The following PCDH7 variants were observed in gnomAD, a reference collection of about 807,000 sequenced individuals.
The protein encoded by PCDH7 is protocadherin 7, also known as protocadherin-7.
A neutral mutation model predicts 58.9 loss-of-function variants in PCDH7; 17 were observed. The ratio of observed to expected loss-of-function variants is 0.29; its 90% CI spans 0.20 to 0.43. The LOEUF (loss-of-function observed/expected upper bound fraction) is 0.43. Among genes scored for constraint, PCDH7 ranks in the 20% least tolerant of loss-of-function variants. The pLI is 1.00. For missense variants in PCDH7, 1,274 were observed against 1,441.0 expected (o/e 0.88, Z 1.88); for synonymous variants, 664 against 616.4 (o/e 1.08, Z -1.14).
intron 3 of PCDH7, among the ~76,000 whole-genome samples, chr4:31,073,198 G>A (rs1758697575): frequency 1.3e-5 from 2 of 152,116 alleles, no homozygotes; most frequent in South Asian, 4.1e-4. Context: ...GTGCTTAGGG[G>A]ATTAGATTTG....
intron 3 of PCDH7, among the ~76,000 whole-genome samples, chr4:31,069,104 C>T (rs1758331287): frequency 6.6e-6 from 1 of 151,790 alleles, no homozygotes; most frequent in African/African-American, 2.4e-5. Context: ...GAGCTAAATG[C>T]CAAACTGATA....
chr4:31,067,931 T>C (rs1758225879), intron 3 of PCDH7, among the ~76,000 whole-genome samples: 1 of 151,986 alleles, frequency 6.6e-6, no homozygotes, highest in Admixed American at 6.6e-5. Context: ...TCAGATTTCA[T>C]TCATACCAAA....
intron 1 of PCDH7, chr4:30,776,132 A>G (rs1722039195): frequency 6.6e-6 from 1 of 152,340 alleles, no homozygotes; most frequent in South Asian, 2.1e-4. Context: ...ATTGAAGATA[A>G]CATTTTGATT....
At chr4:31,075,935 C>A (rs1758953797) in intron 3 of PCDH7, among the ~76,000 whole-genome samples, 3 of 152,196 alleles carry the variant, frequency 2.0e-5, no homozygotes, top group African/African-American at 4.8e-5. Flanking sequence ...AGTACTCCAG[C>A]AAGCCCTGGC....
intron 3 of PCDH7, among the ~76,000 whole-genome samples, chr4:31,063,457 G>C (rs1039329813): frequency 6.6e-6 from 1 of 151,544 alleles, no homozygotes; most frequent in Non-Finnish European, 1.5e-5. Context: ...TTAATCTGGG[G>C]CCTGACAGAT....
At chr4:30,948,667 G>C (rs1747007835) in intron 2 of PCDH7, among the ~76,000 whole-genome samples, 1 of 152,102 alleles carries the variant, frequency 6.6e-6, no homozygotes, top group African/African-American at 2.4e-5. Context: ...TTGCTACTTT[G>C]AGTTGTTTCT....
chr4:30,962,868 T>A (rs986749808), intron 3 of PCDH7, among the ~76,000 whole-genome samples: 8 of 151,564 alleles, frequency 5.3e-5, no homozygotes, highest in Middle Eastern at 3.4e-3. Flanking sequence ...AGCCTTGACT[T>A]AATATTAGTA....
chr4:31,103,888 C>G (rs1715219167), intron 3 of PCDH7, among the ~76,000 whole-genome samples: 1 of 152,132 alleles, frequency 6.6e-6, no homozygotes, highest in Admixed American at 6.5e-5. Context: ...CTTTTCAAAC[C>G]TTATTTCCCC....
chr4:31,060,681 T>C (rs1438435654), intron 3 of PCDH7, among the ~76,000 whole-genome samples: 3 of 151,796 alleles, frequency 2.0e-5, no homozygotes, highest in Non-Finnish European at 3.0e-5. Context: ...ATATGAAGGT[T>C]AGTGTGTAAT....
intron 3 of PCDH7, among the ~76,000 whole-genome samples, chr4:31,020,978 T>G (rs1176856487): frequency 2.6e-5 from 4 of 152,208 alleles, no homozygotes; most frequent in African/African-American, 9.7e-5. Flanking sequence ...AAGAAGATAT[T>G]TGTGTGTATT....
intron 2 of PCDH7, among the ~76,000 whole-genome samples, chr4:30,938,563 CTTGGAAATATT>C (rs762275953): frequency 3.3e-5 from 5 of 151,924 alleles, no homozygotes; most frequent in Admixed American, 1.3e-4. Flanking sequence ...TGAGACACCT[CTTGGAAATATT>C]TTGAGTAATA....
rs941301498 is a variant in PCDH7 at position 30,761,658 on chromosome 4, T to C, written c.70+37062T>C. Among the ~76,000 whole-genome samples, 6 of 152,284 alleles carry C rather than the reference T, an allele frequency of 3.9e-5. No homozygotes were observed. The East Asian group carries it at 1.2e-3, about 29-fold the overall frequency. The stretch of plus-strand genomic sequence containing the variant: ...GGACTGCCATATGAGACAGCATAAC[T>C]TGGGATAATTACATTCAAATCCAGT... On this transcript the variant is annotated intron_variant, in intron 1 of 3. Transcript: ENST00000509759.
chr4:30,849,007 T>G (rs1291243897), intron 1 of PCDH7, among the ~76,000 whole-genome samples: 2 of 152,184 alleles, frequency 1.3e-5, no homozygotes, highest in Non-Finnish European at 2.9e-5. Flanking sequence ...AACATGAAGA[T>G]GCTTCAATAT....
intron 2 of PCDH7, among the ~76,000 whole-genome samples, chr4:30,940,222 T>A (rs1475938995): frequency 3.3e-5 from 5 of 152,080 alleles, no homozygotes; most frequent in Admixed American, 1.3e-4. Context: ...TGGTCCCCAT[T>A]TTAAAGAGTA....
At chr4:30,761,312 CTCT>C (rs1485896320) in intron 1 of PCDH7, among the ~76,000 whole-genome samples, 1 of 152,102 alleles carries the variant, frequency 6.6e-6, no homozygotes, top group South Asian at 2.1e-4. Context: ...GTACACTGGG[CTCT>C]TCTTATGAAA....
At position 30,722,561 on chromosome 4, in the gene PCDH7, A is replaced by G; in HGVS notation, c.1139A>G (p.Gln380Arg). ...CGGATCGACCGCGAGGAGGTGAACC[A>G]GCTGCGCTTCACGGTCATGGCCCGC... The change falls in exon 1 of 2, where the codon CAG becomes CGG. Residue 380 changes from glutamine to arginine, a missense_variant. By Grantham distance (43) the Gln-to-Arg change is conservative (BLOSUM62 1). Transcript: ENST00000361762. This position sits in a 1 kb window ranked among gnomAD's most constrained non-coding sequence, Gnocchi z 7.6. 3.1e-6 allele frequency: 5 copies of G among 1,612,772 alleles called. No individual in the cohort carries two copies. The highest frequency in any genetic ancestry group is 1.1e-5 in the South Asian group (1 of 91,074).
At position 30,793,166 on chromosome 4, in the gene PCDH7, A is replaced by C. The variant is rs560128826; in HGVS notation, c.70+68570A>C. ...GTTTGTGAAAATGTTTATGAGGCTTACTTCCAATTAGTCCTACCTTAAGAG... is the reference window on the plus strand; with the variant it reads ...GTTTGTGAAAATGTTTATGAGGCTTCCTTCCAATTAGTCCTACCTTAAGAG... On this transcript the variant is annotated intron_variant, in intron 1 of 3. Transcript: ENST00000509759. 2.6e-5 allele frequency among the ~76,000 whole-genome samples: 4 copies of C among 152,292 alleles called. No individual in the cohort carries two copies. The South Asian group carries it at 6.2e-4, about 24-fold the overall frequency.
intron 1 of PCDH7, chr4:30,793,842 GA>G (rs1288067062): frequency 6.6e-6 from 1 of 152,164 alleles, no homozygotes; most frequent in African/African-American, 2.4e-5. Context: ...AACAAACATA[GA>G]AGATAAGTAT....
chr4:30,839,752 C>G (rs1730971925), intron 1 of PCDH7, among the ~76,000 whole-genome samples: 1 of 152,080 alleles, frequency 6.6e-6, no homozygotes, highest in Non-Finnish European at 1.5e-5. Context: ...TACTAAAAGC[C>G]ATCTGCTATC....
Sources: gnomAD v4.1 joint callset for allele counts (sites outside exome capture counted in the v4.1 genomes callset) on GRCh38, gnomAD v4.1.1 for gene constraint, Gnocchi (gnomAD v3.1) non-coding constraint, MANE v1.5 for transcripts, NCBI Gene and HGNC (gene_info 2026-07-23, HGNC 2026-07-21) for gene names.